OR2L13: variants seen among roughly 807,000 people sequenced by gnomAD.
OR2L13 encodes olfactory receptor family 2 subfamily L member 13.
Under a neutral mutation model 15.3 loss-of-function variants are expected in OR2L13, and 14 were observed. The ratio of observed to expected loss-of-function variants is 0.91; its 90% CI spans 0.60 to 1.43. The LOEUF is 1.43. Among genes scored for constraint, OR2L13 ranks in the 40% most tolerant of loss-of-function variants. The pLI is 0.00. For missense variants in OR2L13, 367 were observed against 387.9 expected (o/e 0.95, Z 0.45); for synonymous variants, 152 against 142.9 (o/e 1.06, Z -0.45).
the OR2L13 span, among the ~76,000 whole-genome samples, chr1:247,989,255 G>A: frequency 2.5e-3 from 382 of 152,214 alleles, 3 homozygotes; most frequent in African/African-American, 8.9e-3. Context: ...ATGAAAGTTT[G>A]ACTTGGAATT....
chr1:247,988,816 C>T, the OR2L13 span, among the ~76,000 whole-genome samples: 3 of 152,128 alleles, frequency 2.0e-5, no homozygotes, highest in Admixed American at 6.6e-5. Flanking sequence ...GTTCATTTCT[C>T]CAAACCCCTT....
chr1:247,978,289 C>G, the OR2L13 span, among the ~76,000 whole-genome samples: 1 of 152,094 alleles, frequency 6.6e-6, no homozygotes, highest in Admixed American at 6.5e-5. Flanking sequence ...GCTGCAACTC[C>G]CACTGTTTTG....
At chr1:248,024,790 C>T in the OR2L13 span, among the ~76,000 whole-genome samples, 257 of 152,260 alleles carry the variant, frequency 1.7e-3, 1 homozygote, top group Admixed American at 4.8e-3. Flanking sequence ...ACCAGTACCA[C>T]GCTGTTTTGG....
At chr1:248,010,768 T>G in the OR2L13 span, among the ~76,000 whole-genome samples, 1 of 129,716 alleles carries the variant, frequency 7.7e-6, no homozygotes, top group Non-Finnish European at 1.6e-5. Flanking sequence ...TTGTTGTTTT[T>G]TTTTTTTTTT....
the OR2L13 span, chr1:248,045,954 TTATC>T: frequency 7.2e-5 from 11 of 152,286 alleles, no homozygotes; most frequent in African/African-American, 1.7e-4. Context: ...AAAGTACAAT[TTATC>T]AATCAATACA....
At chr1:247,940,731 CGT>C in the OR2L13 span, among the ~76,000 whole-genome samples, 1,732 of 147,172 alleles carry the variant, frequency 0.012, 38 homozygotes, top group African/African-American at 0.041. Context: ...TGCATACGTG[CGT>C]GTGTGTGTGT....
At chr1:247,938,749 T>C in the OR2L13 span, among the ~76,000 whole-genome samples, 1 of 152,260 alleles carries the variant, frequency 6.6e-6, no homozygotes, top group Non-Finnish European at 1.5e-5. Context: ...TAAAGCATAC[T>C]TGGATGAAAT....
chr1:248,014,611 C>A, the OR2L13 span, among the ~76,000 whole-genome samples: 21 of 152,182 alleles, frequency 1.4e-4, no homozygotes, highest in Admixed American at 1.3e-3. Flanking sequence ...GGCTATATTA[C>A]TCTACAGTCA....
At chr1:248,013,426 C>G in the OR2L13 span, among the ~76,000 whole-genome samples, 2 of 152,144 alleles carry the variant, frequency 1.3e-5, no homozygotes, top group African/African-American at 4.8e-5. Context: ...GAACCTTGGA[C>G]TAAGGCCATC....
the OR2L13 span, among the ~76,000 whole-genome samples, chr1:248,055,554 G>A: frequency 1.3e-5 from 2 of 152,272 alleles, no homozygotes; most frequent in African/African-American, 4.8e-5. Flanking sequence ...TCTGGAGTTC[G>A]AGACCAGCCT....
the OR2L13 span, among the ~76,000 whole-genome samples, chr1:248,078,209 G>C: frequency 6.6e-6 from 1 of 152,136 alleles, no homozygotes; most frequent in Admixed American, 6.6e-5. Context: ...CTGGCTGGGC[G>C]CGGTGCCTCA....
At chr1:248,026,879 A>G in the OR2L13 span, among the ~76,000 whole-genome samples, 1 of 151,988 alleles carries the variant, frequency 6.6e-6, no homozygotes, top group Non-Finnish European at 1.5e-5. Context: ...CCCTGTGATG[A>G]TTGCATTAAC....
At chr1:247,947,133 T>C in the OR2L13 span, among the ~76,000 whole-genome samples, 1 of 152,244 alleles carries the variant, frequency 6.6e-6, no homozygotes, top group African/African-American at 2.4e-5. Context: ...AATACAATTT[T>C]AGTTTTCAAA....
chr1:248,084,806 A>G, the OR2L13 span, among the ~76,000 whole-genome samples: 6 of 152,166 alleles, frequency 3.9e-5, no homozygotes, highest in African/African-American at 1.4e-4. Context: ...TACTACATCC[A>G]GCATGTGAGC....
the OR2L13 span, chr1:247,949,168 T>C: frequency 2.4e-5 from 39 of 1,613,990 alleles, no homozygotes; most frequent in East Asian, 8.9e-5. Flanking sequence ...TTCTTCTTCT[T>C]GGCATTAGGA....
At chr1:247,950,212 A>T in the OR2L13 span, among the ~76,000 whole-genome samples, 1 of 152,152 alleles carries the variant, frequency 6.6e-6, no homozygotes, top group African/African-American at 2.4e-5. Context: ...ATTGAAAGCC[A>T]TAAGATGTTT....
the OR2L13 span, among the ~76,000 whole-genome samples, chr1:247,950,630 A>G: frequency 1.3e-5 from 2 of 152,308 alleles, no homozygotes; most frequent in Admixed American, 6.5e-5. Flanking sequence ...GTCAGATATC[A>G]TTTAACTATG....
chr1:248,026,696 T>C, the OR2L13 span, among the ~76,000 whole-genome samples: 3 of 152,218 alleles, frequency 2.0e-5, no homozygotes. Context: ...TTAATACTTT[T>C]ATAATTTCTT....
At chr1:248,061,431 C>T in the OR2L13 span, 8 of 1,613,996 alleles carry the variant, frequency 5.0e-6, no homozygotes, top group African/African-American at 1.1e-4. Flanking sequence ...TAACTTTCTA[C>T]TATGCACCTT....
Sources: gnomAD v4.1 joint callset for allele counts (sites outside exome capture counted in the v4.1 genomes callset) on GRCh38, gnomAD v4.1.1 for gene constraint, MANE v1.5 for transcripts, NCBI Gene and HGNC (gene_info 2026-07-23, HGNC 2026-07-21) for gene names.